TMEM217B: variants seen among roughly 807,000 people sequenced by gnomAD.
TMEM217B encodes transmembrane protein 217B.
At chr6:37,228,874 G>A in the TMEM217B span, among the ~76,000 whole-genome samples, 4 of 151,634 alleles carry the variant, frequency 2.6e-5, no homozygotes, top group Non-Finnish European at 5.9e-5. Flanking sequence ...GCGGGTGCCT[G>A]TAGTCCCAGC....
the TMEM217B span, chr6:37,218,281 G>T: frequency 8.2e-7 from 1 of 1,217,058 alleles, no homozygotes; most frequent in Non-Finnish European, 1.1e-6. Context: ...TGATTCTCCA[G>T]TCTCAGCCTC....
chr6:37,219,898 G>A, the TMEM217B span, among the ~76,000 whole-genome samples: 4 of 152,082 alleles, frequency 2.6e-5, no homozygotes, highest in East Asian at 5.8e-4. Context: ...AAAAACAGGT[G>A]GACACCAACT....
the TMEM217B span, among the ~76,000 whole-genome samples, chr6:37,226,949 T>G: frequency 6.6e-6 from 1 of 152,250 alleles, no homozygotes; most frequent in Admixed American, 6.5e-5. Context: ...TGTCTTAAAT[T>G]GTTATTTAAA....
chr6:37,219,127 A>G, the TMEM217B span: 1 of 1,206,638 alleles, frequency 8.3e-7, no homozygotes, highest in Non-Finnish European at 1.2e-6. Context: ...CCCCAAATCT[A>G]CTTTGGAGAA....
the TMEM217B span, among the ~76,000 whole-genome samples, chr6:37,256,139 G>A: frequency 6.6e-6 from 1 of 152,220 alleles, no homozygotes; most frequent in Non-Finnish European, 1.5e-5. Flanking sequence ...ATGTGCATAA[G>A]CTGGAAAGTG....
the TMEM217B span, among the ~76,000 whole-genome samples, chr6:37,247,389 CTTTTT>C: frequency 7.8e-6 from 1 of 127,786 alleles, no homozygotes. Context: ...AACTTTTTTA[CTTTTT>C]TTTTTTTTTT....
At chr6:37,256,012 GAAGATTAAGAAAAAGGA>G in the TMEM217B span, among the ~76,000 whole-genome samples, 2 of 152,162 alleles carry the variant, frequency 1.3e-5, no homozygotes, top group Non-Finnish European at 2.9e-5. Context: ...ACATTTCATA[GAAGATTAAGAAAAAGGA>G]GTATTTTGAG....
At chr6:37,216,230 C>T in the TMEM217B span, among the ~76,000 whole-genome samples, 1 of 152,048 alleles carries the variant, frequency 6.6e-6, no homozygotes, top group African/African-American at 2.4e-5. Flanking sequence ...AGGTGCCTGC[C>T]ACTATACCCG....
At chr6:37,236,777 C>T in the TMEM217B span, among the ~76,000 whole-genome samples, 1 of 152,086 alleles carries the variant, frequency 6.6e-6, no homozygotes, top group Non-Finnish European at 1.5e-5. Context: ...TCAGACAGAG[C>T]ACAGTTAGCT....
At chr6:37,255,591 G>A in the TMEM217B span, among the ~76,000 whole-genome samples, 3 of 152,090 alleles carry the variant, frequency 2.0e-5, no homozygotes, top group African/African-American at 4.8e-5. Context: ...GGCTGATGTG[G>A]GAGGATTGCT....
the TMEM217B span, among the ~76,000 whole-genome samples, chr6:37,227,568 T>A: frequency 4.6e-5 from 7 of 152,170 alleles, no homozygotes; most frequent in Non-Finnish European, 8.8e-5. Context: ...TGCCTCAGCC[T>A]CCCAAGTAGC....
chr6:37,239,232 T>C, the TMEM217B span, among the ~76,000 whole-genome samples: 1 of 152,212 alleles, frequency 6.6e-6, no homozygotes, highest in African/African-American at 2.4e-5. Flanking sequence ...CTCATGCCTA[T>C]AATTCCAGCA....
chr6:37,213,075 A>G, the TMEM217B span: 1 of 956,004 alleles, frequency 1.0e-6, no homozygotes, highest in South Asian at 1.7e-5. Context: ...CACTAGATAT[A>G]AATCAGAGAG....
the TMEM217B span, among the ~76,000 whole-genome samples, chr6:37,234,102 CTTT>C: frequency 2.7e-4 from 34 of 127,742 alleles, no homozygotes; most frequent in Non-Finnish European, 2.4e-4. Context: ...TATTAAATGC[CTTT>C]TTTTTTTTTT....
the TMEM217B span, among the ~76,000 whole-genome samples, chr6:37,237,499 C>T: frequency 6.6e-6 from 1 of 152,196 alleles, no homozygotes; most frequent in East Asian, 1.9e-4. Flanking sequence ...GCAGAAGATT[C>T]AGGACTTCAT....
At chr6:37,234,528 A>G in the TMEM217B span, among the ~76,000 whole-genome samples, 559 of 152,244 alleles carry the variant, frequency 3.7e-3, 4 homozygotes, top group African/African-American at 0.013. Flanking sequence ...GTGATGATAC[A>G]GTTAAGAGTT....
chr6:37,228,768 C>T, the TMEM217B span, among the ~76,000 whole-genome samples: 3 of 151,906 alleles, frequency 2.0e-5, no homozygotes, highest in Non-Finnish European at 4.4e-5. Flanking sequence ...GAGGCCGAGG[C>T]AGGCGGATCA....
the TMEM217B span, among the ~76,000 whole-genome samples, chr6:37,253,014 C>T: frequency 6.6e-6 from 1 of 152,110 alleles, no homozygotes; most frequent in Non-Finnish European, 1.5e-5. Flanking sequence ...GTATATAATT[C>T]TACCCTCTAC....
the TMEM217B span, among the ~76,000 whole-genome samples, chr6:37,214,138 T>C: frequency 6.6e-6 from 1 of 152,358 alleles, no homozygotes; most frequent in South Asian, 2.1e-4. Flanking sequence ...TTCACCACTT[T>C]AGCCCTTTTT....
Sources: gnomAD v4.1 joint callset for allele counts (sites outside exome capture counted in the v4.1 genomes callset) on GRCh38, gnomAD v4.1.1 for gene constraint, MANE v1.5 for transcripts, NCBI Gene and HGNC (gene_info 2026-07-23, HGNC 2026-07-21) for gene names.